Variants in LRP1B observed in about 807,000 individuals in gnomAD.
LRP1B encodes low-density lipoprotein receptor-related protein 1B.
Under a neutral mutation model 556.6 loss-of-function variants are expected in LRP1B, and 217 were observed. The ratio of observed to expected loss-of-function variants is 0.39; its 90% CI spans 0.35 to 0.44. LRP1B has a LOEUF of 0.44. Ranked by LOEUF, LRP1B falls within the 20% of genes least tolerant of loss-of-function variation. The pLI is 1.00. For synonymous variants in LRP1B, 2,047 were observed against 1,865.8 expected, an observed-to-expected ratio of 1.10 and a Z score of -2.50; for missense variants, 5,053 against 5,620.8, an observed-to-expected ratio of 0.90 and a Z score of 3.23.
chr2:141,691,434 G>GA (rs34974812), intron 2 of LRP1B, among the ~76,000 whole-genome samples: 18,340 of 89,070 alleles, frequency 0.21, 1,418 homozygotes, highest in East Asian at 0.31. Context: ...AGAAGAAAAG[G>GA]AAAAAAAAAA....
rs1277540836 is a variant in LRP1B, at chr2:141,828,002, A to C, written c.83-17601T>G. Among the ~76,000 whole-genome samples the C allele has an allele frequency of 3.3e-5, 5 of 152,020 alleles. No homozygotes were observed. The East Asian group carries it at 9.7e-4, about 30-fold the overall frequency. On this transcript the variant is annotated intron_variant, in intron 1 of 90. Coordinates refer to ENST00000389484, the MANE Select transcript of LRP1B (RefSeq NM_018557.3). ...GACTGCCACTTCAACAGGCAGTGCA[A>C]CATTATATAGCCAGTATTTAGATAT...
At chr2:141,128,905 C>T (rs1701282812) in intron 7 of LRP1B, among the ~76,000 whole-genome samples, 1 of 152,068 alleles carries the variant, frequency 6.6e-6, no homozygotes, top group Non-Finnish European at 1.5e-5. Flanking sequence ...TTATATCATC[C>T]TACTAATTCT....
At chr2:140,825,437 TTA>T (rs901627140) in intron 31 of LRP1B, among the ~76,000 whole-genome samples, 1 of 152,106 alleles carries the variant, frequency 6.6e-6, no homozygotes, top group African/African-American at 2.4e-5. Context: ...CTTTTTTTTT[TTA>T]GTTTTTTCTT....
At chr2:142,097,785 C>T (rs1030199829) in intron 1 of LRP1B, among the ~76,000 whole-genome samples, 7 of 151,622 alleles carry the variant, frequency 4.6e-5, no homozygotes, top group African/African-American at 1.7e-4. Context: ...TATAAAGAGT[C>T]TATATTCCAA....
intron 1 of LRP1B, among the ~76,000 whole-genome samples, chr2:142,009,549 G>C: frequency 6.6e-6 from 1 of 151,898 alleles, no homozygotes; most frequent in South Asian, 2.1e-4. Context: ...ACTCAATTCT[G>C]TTGTTTCTGC....
At chr2:141,743,720 C>T (rs1309434089) in intron 2 of LRP1B, among the ~76,000 whole-genome samples, 2 of 151,854 alleles carry the variant, frequency 1.3e-5, no homozygotes, top group African/African-American at 2.4e-5. Flanking sequence ...TTTCTCATGG[C>T]TCAATCTTGG....
intron 86 of LRP1B, among the ~76,000 whole-genome samples, chr2:140,266,777 T>C (rs1024163935): frequency 6.6e-6 from 1 of 152,036 alleles, no homozygotes; most frequent in Non-Finnish European, 1.5e-5. Context: ...CCCACAGGAA[T>C]CATTCATTGA....
At chr2:140,412,863 A>G (rs80166238) in intron 66 of LRP1B, among the ~76,000 whole-genome samples, 3,102 of 152,148 alleles carry the variant, frequency 0.02, 37 homozygotes, top group African/African-American at 0.028. Context: ...AGGTTGTGTC[A>G]ACTTAACTAG....
chr2:141,657,247 A>T (rs1442274615), intron 2 of LRP1B, among the ~76,000 whole-genome samples: 1 of 152,144 alleles, frequency 6.6e-6, no homozygotes, highest in East Asian at 1.9e-4. Context: ...TGACCAAAAG[A>T]AATGTATAGT....
intron 69 of LRP1B, 109 bp downstream of exon 69, chr2:140,372,899 T>C (rs1683055154): frequency 8.8e-7 from 1 of 1,140,354 alleles, no homozygotes; most frequent in Non-Finnish European, 1.3e-6. Context: ...TTCTTAAAAA[T>C]GGTAAACATA....
chr2:141,312,896 G>T (rs181572512), intron 3 of LRP1B, among the ~76,000 whole-genome samples: 5 of 152,082 alleles, frequency 3.3e-5, no homozygotes, highest in African/African-American at 1.2e-4. Flanking sequence ...GGTCAGGCTG[G>T]TCTCGAACTC....
chr2:141,809,019 T>TATC (rs1268552501), intron 2 of LRP1B, among the ~76,000 whole-genome samples: 1 of 152,118 alleles, frequency 6.6e-6, no homozygotes, highest in Non-Finnish European at 1.5e-5. Context: ...ATCTTTAACT[T>TATC]ATCTGCTGAG....
rs149436562 is a variant in LRP1B at position 141,813,583 on chromosome 2, AAAAC to A, written c.83-3186_83-3183del. On this transcript the variant is annotated intron_variant, in intron 1 of 90. Transcript: ENST00000389484. Reference sequence around the variant, plus strand: ...AGATAAAGGTTTTTTTTTTTTACTAAAAACAAACAAACAAACAAACAAAAAACAG... The same window carrying A: ...AGATAAAGGTTTTTTTTTTTTACTAAAAACAAACAAACAAACAAAAAACAG... Among the ~76,000 whole-genome samples, 246 of 149,114 alleles carry A rather than the reference AAAAC, an allele frequency of 1.6e-3. 1 individual carries two copies. Among genetic ancestry groups the A allele is most frequent in the East Asian group, 2.9e-3 (15 of 5,100 alleles).
intron 7 of LRP1B, among the ~76,000 whole-genome samples, chr2:141,165,941 C>T (rs1680234874): frequency 6.6e-6 from 1 of 151,820 alleles, no homozygotes; most frequent in Non-Finnish European, 1.5e-5. Context: ...TCTTCTATAC[C>T]TTTTATGTTC....
chr2:140,261,959 TATGAGAGG>T (rs375512183), intron 86 of LRP1B, among the ~76,000 whole-genome samples: 11 of 152,082 alleles, frequency 7.2e-5, no homozygotes, highest in African/African-American at 2.6e-4. Flanking sequence ...GTTTTTTAAT[TATGAGAGG>T]AAATACTTTA....
chr2:140,773,718 T>C (rs1425201279), intron 33 of LRP1B, among the ~76,000 whole-genome samples: 3 of 151,776 alleles, frequency 2.0e-5, no homozygotes, highest in Non-Finnish European at 2.9e-5. Flanking sequence ...ATACATTTCA[T>C]ATATCCTTTG....
chr2:142,095,040 T>G (rs1383388544), intron 1 of LRP1B, among the ~76,000 whole-genome samples: 1 of 151,948 alleles, frequency 6.6e-6, no homozygotes, highest in South Asian at 2.1e-4. Flanking sequence ...GGTACTGTGG[T>G]TAGTTAGAAT....
intron 3 of LRP1B, among the ~76,000 whole-genome samples, chr2:141,466,276 G>A (rs1682195435): frequency 2.0e-5 from 3 of 152,178 alleles, no homozygotes; most frequent in African/African-American, 7.2e-5. Flanking sequence ...AAGCCACAGA[G>A]TTAATTAATG....
At chr2:140,636,707 G>A (rs1574172827) in intron 41 of LRP1B, among the ~76,000 whole-genome samples, 2 of 152,174 alleles carry the variant, frequency 1.3e-5, no homozygotes, top group East Asian at 1.9e-4. Context: ...CATTGAATAT[G>A]TGTTTAATTA....
Sources: gnomAD v4.1 joint callset for allele counts (sites outside exome capture counted in the v4.1 genomes callset) on GRCh38, gnomAD v4.1.1 for gene constraint, MANE v1.5 for transcripts, NCBI Gene and HGNC (gene_info 2026-07-23, HGNC 2026-07-21) for gene names.